SLC7A11: variants seen among roughly 807,000 people sequenced by gnomAD.
SLC7A11 encodes the protein cystine/glutamate transporter.
A neutral mutation model predicts 54.5 loss-of-function variants in SLC7A11; 35 were observed. The observed-to-expected ratio is 0.64, with a 90% CI of 0.49 to 0.85. The LOEUF (loss-of-function observed/expected upper bound fraction) is 0.85, where lower values mean the gene tolerates loss of function less well. SLC7A11 is among the 40% of genes least tolerant of loss of function. SLC7A11 has a pLI of 0.00. For synonymous variants in SLC7A11, 230 were observed against 225.2 expected (o/e 1.02, Z -0.19); for missense variants, 583 against 618.1 (o/e 0.94, Z 0.60).
At position 138,219,382 on chromosome 4, in the gene SLC7A11, C is replaced by G. The variant is rs1252505663; in HGVS notation, c.647-17G>C. ...GCGTTTGACCTGTAATTAGAATAGA[C>G]TGATTTTAGGATTTTTCAAAGAATT... On this transcript the variant is annotated splice_polypyrimidine_tract_variant and intron_variant, in intron 4 of 11. Transcript: ENST00000280612. 4 of 1,447,218 alleles carry G rather than the reference C, an allele frequency of 2.8e-6. No individual in the cohort carries two copies. The East Asian group carries it at 9.0e-5, about 33-fold the overall frequency. The allele number at this position is 1,447,218 out of a possible 1,614,324, so 89.6% of individuals were successfully genotyped here.
intron 3 of SLC7A11, among the ~76,000 whole-genome samples, chr4:138,227,271 G>C (rs1737967375): frequency 6.6e-6 from 1 of 152,158 alleles, no homozygotes; most frequent in African/African-American, 2.4e-5. Context: ...GTTACATGTT[G>C]AGATAAAGTG....
At chr4:138,183,487 T>A (rs1004517764) in intron 7 of SLC7A11, among the ~76,000 whole-genome samples, 182 bp from the exon 8 acceptor site, 2 of 152,138 alleles carry the variant, frequency 1.3e-5, no homozygotes, top group Admixed American at 6.6e-5. Context: ...GCAAGGACCA[T>A]GGCATTGCTT....
chr4:138,240,634 A>G (rs183688505), intron 1 of SLC7A11, among the ~76,000 whole-genome samples: 1 of 152,096 alleles, frequency 6.6e-6, no homozygotes, highest in East Asian at 1.9e-4. Context: ...AAACATCACA[A>G]GGCCTGAGTA....
intron 6 of SLC7A11, among the ~76,000 whole-genome samples, chr4:138,203,708 T>C (rs1737341711): frequency 6.6e-6 from 1 of 152,056 alleles, no homozygotes. Context: ...AAACATATCT[T>C]CATGGACTAT....
chr4:138,177,239 T>C (rs570303621), intron 11 of SLC7A11: 8 of 152,252 alleles, frequency 5.3e-5, no homozygotes, highest in African/African-American at 1.9e-4. Flanking sequence ...GCATTATTTA[T>C]TAATAATTTA....
intron 11 of SLC7A11, among the ~76,000 whole-genome samples, chr4:138,175,413 G>A (rs1217888971): frequency 1.3e-5 from 2 of 152,126 alleles, no homozygotes; most frequent in African/African-American, 2.4e-5. Flanking sequence ...GCTAAATAGA[G>A]ACAGCCAAGT....
intron 6 of SLC7A11, among the ~76,000 whole-genome samples, chr4:138,206,442 T>A (rs997824191): frequency 6.7e-6 from 1 of 150,366 alleles, no homozygotes; most frequent in African/African-American, 2.4e-5. Flanking sequence ...AATATAAAAC[T>A]CAATGAGATT....
rs1736277741 is a variant in SLC7A11 at position 138,167,027 on chromosome 4, T to C, written c.*4929A>G. 1 of 150,488 alleles carries C rather than the reference T, an allele frequency of 6.6e-6. No homozygotes were observed. The highest frequency in any genetic ancestry group is 6.7e-5 in the Admixed American group (1 of 15,004). The allele number at this position is 150,488 out of a possible 1,614,324, so 9.3% of individuals were successfully genotyped here. A position where few individuals can be genotyped will look rare whatever the true frequency, so the allele number is the denominator to read the frequency against. ...TTAGACACCAACTAATTGGAAAATA[T>C]AAGGAAAGAAATAATTATCTCCCAA... On this transcript the variant is annotated 3_prime_UTR_variant, in exon 12 of 12. Transcript: ENST00000280612.
chr4:138,237,234 G>C (rs992147597), intron 1 of SLC7A11, among the ~76,000 whole-genome samples: 1 of 151,808 alleles, frequency 6.6e-6, no homozygotes, highest in African/African-American at 2.4e-5. Context: ...TGATCTGCCC[G>C]CCTTGGTCTC....
At chr4:138,203,190 C>A (rs1015046238) in intron 6 of SLC7A11, among the ~76,000 whole-genome samples, 63 of 152,106 alleles carry the variant, frequency 4.1e-4, no homozygotes, top group African/African-American at 1.5e-3. Flanking sequence ...ATTCAGTAAT[C>A]TAAAAAGATA....
rs1437284789 is a variant in SLC7A11, at chr4:138,164,211, A to ACAT, written c.*7742_*7744dup. 6.6e-6 allele frequency: 1 copy of ACAT among 152,462 alleles called. No homozygotes were observed. Among genetic ancestry groups the ACAT allele is most frequent in the Non-Finnish European group, 1.5e-5 (1 of 68,004 alleles). The allele number at this position is 152,462 out of a possible 1,614,324, so 9.4% of individuals were successfully genotyped here. ...CAACTAGAAGCGTGACAGGTATAAT[A>ACAT]CATATAAATACAACCAAAATTCAAT... On this transcript the variant is annotated 3_prime_UTR_variant, in exon 12 of 12. Transcript: ENST00000280612.
intron 1 of SLC7A11, among the ~76,000 whole-genome samples, chr4:138,238,246 G>A (rs923150786): frequency 6.6e-6 from 1 of 152,126 alleles, no homozygotes; most frequent in Non-Finnish European, 1.5e-5. Flanking sequence ...GGAGTTGTGT[G>A]TATAAATGTG....
At chr4:138,234,551 C>G (rs1459824171) in intron 2 of SLC7A11, among the ~76,000 whole-genome samples, 3 of 150,102 alleles carry the variant, frequency 2.0e-5, no homozygotes, top group Non-Finnish European at 3.0e-5. Context: ...CACACACACA[C>G]AGAGAAAAGT....
intron 1 of SLC7A11, among the ~76,000 whole-genome samples, chr4:138,240,692 T>C (rs1326084249): frequency 2.0e-5 from 3 of 152,206 alleles, no homozygotes; most frequent in African/African-American, 7.2e-5. Flanking sequence ...TTAGTACTTG[T>C]TAATTAGTCC....
rs889017228 is a variant in SLC7A11 at position 138,218,484 on chromosome 4, T to G, written c.746+782A>C. On this transcript the variant is annotated intron_variant, in intron 5 of 11. Transcript: ENST00000280612. ...TCTCAACTAAATCTTACAAGGTCAA[T>G]AAAATTTACTGAAGAGAAAGTCCCA... Among the ~76,000 whole-genome samples the G allele has an allele frequency of 1.3e-4, 20 of 152,306 alleles. No individual in the cohort carries two copies. In the East Asian group the frequency reaches 3.9e-3, roughly 29 times the overall value.
intron 6 of SLC7A11, among the ~76,000 whole-genome samples, chr4:138,212,781 T>C (rs1262670315): frequency 6.6e-6 from 1 of 151,546 alleles, no homozygotes; most frequent in Non-Finnish European, 1.5e-5. Flanking sequence ...TTAAATAATA[T>C]TAAAGATAAT....
chr4:138,181,771 A>G (rs1355301388), intron 9 of SLC7A11, among the ~76,000 whole-genome samples: 2 of 152,106 alleles, frequency 1.3e-5, no homozygotes, highest in Admixed American at 1.3e-4. Flanking sequence ...TTTACAACTC[A>G]AATTTACCTC....
At position 138,171,977 on chromosome 4, in the gene SLC7A11, T is replaced by C; in HGVS notation, c.1485A>G (p.Val495=). 1.3e-6 allele frequency: 2 copies of C among 1,598,032 alleles called. No individual in the cohort carries two copies. Among genetic ancestry groups the C allele is most frequent in the Non-Finnish European group, 1.7e-6 (2 of 1,174,782 alleles). ...TRTLQIILEV[V]PEEDKL is the part of the protein sequence containing the mutation. ...TAGTTCATAACTTATCTTCTTCTGG[T>C]ACAACTTCCAGTATTATTTGTAATG... Residue 495 remains valine (V), a synonymous_variant, in exon 12 of 12, where the codon GTA becomes GTG. Transcript: ENST00000280612.
chr4:138,184,357 T>G (rs1301230469), intron 7 of SLC7A11, among the ~76,000 whole-genome samples: 1 of 152,166 alleles, frequency 6.6e-6, no homozygotes, highest in Non-Finnish European at 1.5e-5. Context: ...AATGGGAACT[T>G]AACTTTTCAC....
Sources: gnomAD v4.1 joint callset for allele counts (sites outside exome capture counted in the v4.1 genomes callset) on GRCh38, gnomAD v4.1.1 for gene constraint, MANE v1.5 for transcripts, NCBI Gene and HGNC (gene_info 2026-07-23, HGNC 2026-07-21) for gene names.